PGM5: variants seen among roughly 807,000 people sequenced by gnomAD.
PGM5 encodes the protein phosphoglucomutase 5.
Under a neutral mutation model 59.2 loss-of-function variants are expected in PGM5, and 23 were observed. The ratio of observed to expected loss-of-function variants is 0.39; its 90% CI spans 0.28 to 0.55. The LOEUF is 0.55. Ranked by LOEUF, PGM5 falls within the 20% of genes least tolerant of loss-of-function variation. PGM5 has a pLI of 0.66. For synonymous variants in PGM5, 214 were observed against 286.0 expected (o/e 0.75, Z 2.54); for missense variants, 574 against 748.3 (o/e 0.77, Z 2.72).
intron 6 of PGM5, among the ~76,000 whole-genome samples, chr9:68,408,894 G>A (rs558566896): frequency 0.017 from 2,516 of 151,898 alleles, 58 homozygotes; most frequent in African/African-American, 0.055. Context: ...GTAGACATGC[G>A]GCATTATTTC....
intron 7 of PGM5, among the ~76,000 whole-genome samples, chr9:68,469,942 C>G (rs555490643): frequency 1.2e-4 from 18 of 152,164 alleles, no homozygotes; most frequent in African/African-American, 4.3e-4. Flanking sequence ...ATTTGGGTAT[C>G]CCAAGATTTG....
chr9:68,406,678 GTATATATATATA>G lies in PGM5; in HGVS notation c.1043+14241_1043+14252del, dbSNP rs782034091. The stretch of plus-strand genomic sequence containing the variant: ...AAATTAGGTATATATATATATATAT[GTATATATATATA>G]TATATATATATATATATATATATAT... On this transcript the variant is annotated intron_variant, in intron 6 of 10. Transcript: ENST00000396396. 4.7e-4 allele frequency among the ~76,000 whole-genome samples: 11 copies of G among 23,610 alleles called. 1 individual carries two copies. Among genetic ancestry groups the G allele is most frequent in the East Asian group, 4.1e-3 (2 of 484 alleles). 15.5% of individuals were successfully genotyped at this position (23,610 alleles called of 152,430 possible).
Position 68,529,907 on chromosome 9 carries a change from A to G in PGM5, c.*251A>G, listed in dbSNP as rs967795827. 25 of 346,984 alleles carry G rather than the reference A, an allele frequency of 7.2e-5. No individual in the cohort carries two copies. Among genetic ancestry groups the G allele is most frequent in the African/African-American group, 2.2e-4 (10 of 45,788 alleles). 21.5% of individuals were successfully genotyped at this position (346,984 alleles called of 1,614,324 possible). A position where few individuals can be genotyped will look rare whatever the true frequency, so the allele number is the denominator to read the frequency against. On this transcript the variant is annotated 3_prime_UTR_variant, in exon 11 of 11. Transcript: ENST00000396396. ...CACTATAATTTGGTATCTACATTTT[A>G]TCACACAAAGGAACCTCCCCTTTTG...
intron 7 of PGM5, among the ~76,000 whole-genome samples, chr9:68,467,405 G>C (rs1249168770): frequency 6.6e-6 from 1 of 152,150 alleles, no homozygotes. Flanking sequence ...TCACTTGACT[G>C]TGTGGTCATC....
At chr9:68,389,152 A>G (rs1477812164) in intron 4 of PGM5, among the ~76,000 whole-genome samples, 1 of 152,028 alleles carries the variant, frequency 6.6e-6, no homozygotes, top group African/African-American at 2.4e-5. Context: ...TTAATTTCCC[A>G]AAACTTTTGT....
intron 9 of PGM5, among the ~76,000 whole-genome samples, chr9:68,496,499 G>A (rs1458022812): frequency 6.6e-6 from 1 of 152,182 alleles, no homozygotes; most frequent in African/African-American, 2.4e-5. Context: ...AAGATCTCAT[G>A]GTTAGTTTCC....
intron 6 of PGM5, among the ~76,000 whole-genome samples, chr9:68,460,009 T>C (rs1378468026): frequency 2.0e-5 from 3 of 152,170 alleles, no homozygotes; most frequent in African/African-American, 7.2e-5. Context: ...GTGTAGAAAA[T>C]AGTACCATGG....
chr9:68,486,432 TC>T (rs575544352), intron 9 of PGM5, among the ~76,000 whole-genome samples: 458 of 152,296 alleles, frequency 3.0e-3, no homozygotes, highest in Middle Eastern at 0.01. Context: ...GTCATCTTCC[TC>T]CCAACATCCC....
intron 10 of PGM5, among the ~76,000 whole-genome samples, chr9:68,514,341 C>T (rs1331513218): frequency 1.5e-4 from 23 of 152,166 alleles, no homozygotes; most frequent in Admixed American, 1.5e-3. Flanking sequence ...CTGGCTTAAA[C>T]CTCCAATCCC....
At chr9:68,491,128 A>T (rs538239036) in intron 9 of PGM5, among the ~76,000 whole-genome samples, 2 of 152,366 alleles carry the variant, frequency 1.3e-5, no homozygotes, top group South Asian at 4.1e-4. Context: ...AGCACCGAGG[A>T]TACAACAGTA....
intron 7 of PGM5, chr9:68,466,617 G>A (rs1306175015): frequency 6.5e-6 from 1 of 153,508 alleles, no homozygotes; most frequent in East Asian, 1.9e-4. Flanking sequence ...GGGGCAATTA[G>A]TGTGGAAGGT....
At chr9:68,401,889 A>ATGTGTGTG (rs1327827891) in intron 6 of PGM5, among the ~76,000 whole-genome samples, 3 of 9,264 alleles carry the variant, frequency 3.2e-4, no homozygotes, top group African/African-American at 8.0e-4. Flanking sequence ...ATATATATAT[A>ATGTGTGTG]TGTGTGTGTG....
chr9:68,406,566 T>C (rs1822813531), intron 6 of PGM5: 1 of 148,820 alleles, frequency 6.7e-6, no homozygotes, highest in Non-Finnish European at 1.5e-5. Context: ...CACCTCTCGA[T>C]ACTGCCACAC....
chr9:68,394,917 T>A (rs782116050), intron 6 of PGM5, among the ~76,000 whole-genome samples: 5 of 152,184 alleles, frequency 3.3e-5, no homozygotes, highest in Non-Finnish European at 7.4e-5. Flanking sequence ...CCACTGAACC[T>A]GGCTACTTTT....
intron 7 of PGM5, among the ~76,000 whole-genome samples, chr9:68,475,235 A>G (rs975830524): frequency 2.2e-5 from 3 of 135,328 alleles, no homozygotes; most frequent in Non-Finnish European, 3.1e-5. Flanking sequence ...AGGTTTCACC[A>G]TGTTGGCCAG....
intron 7 of PGM5, 73 bp downstream of exon 7, chr9:68,465,281 G>A: frequency 2.0e-6 from 2 of 1,000,074 alleles, no homozygotes; most frequent in South Asian, 2.7e-5. Flanking sequence ...GGAGATCTGT[G>A]AACTTTCTGT....
chr9:68,508,514 C>T (rs1172602499), intron 10 of PGM5, among the ~76,000 whole-genome samples: 1 of 152,046 alleles, frequency 6.6e-6, no homozygotes, highest in Non-Finnish European at 1.5e-5. Context: ...AACTTCTTAC[C>T]AAAATATCTT....
chr9:68,468,355 G>C (rs1036393306), intron 7 of PGM5, among the ~76,000 whole-genome samples: 1 of 152,116 alleles, frequency 6.6e-6, no homozygotes, highest in Non-Finnish European at 1.5e-5. Context: ...CCACTAGTTA[G>C]TCAAATAAAT....
intron 9 of PGM5, among the ~76,000 whole-genome samples, chr9:68,494,878 A>G (rs896816983): frequency 1.3e-5 from 2 of 152,198 alleles, no homozygotes; most frequent in South Asian, 2.1e-4. Flanking sequence ...AAGAACGTGC[A>G]TGTGTTTTCA....
Sources: allele counts gnomAD v4.1 joint callset (sites outside exome capture counted in the v4.1 genomes callset), GRCh38; gene constraint gnomAD v4.1.1; transcripts MANE v1.5; gene names NCBI Gene and HGNC (gene_info 2026-07-23, HGNC 2026-07-21).